DOK5: variants seen among roughly 807,000 people sequenced by gnomAD.
DOK5 encodes downstream of tyrosine kinase 5.
In DOK5, 27 loss-of-function variants were observed where a neutral mutation model predicts 43.3. That is an observed-to-expected ratio of 0.62 (90% CI 0.46 to 0.86). DOK5 has a LOEUF of 0.86. DOK5 is among the 40% of genes least tolerant of loss of function. The pLI, the probability that DOK5 is intolerant of heterozygous loss-of-function variation, is 0.00. For missense variants in DOK5, 373 were observed against 392.9 expected (o/e 0.95, Z 0.43); for synonymous variants, 146 against 140.1 (o/e 1.04, Z -0.30).
intron 1 of DOK5, among the ~76,000 whole-genome samples, chr20:54,547,308 T>C (rs1378736594): frequency 6.6e-6 from 1 of 152,174 alleles, no homozygotes; most frequent in Non-Finnish European, 1.5e-5. Flanking sequence ...ACTCCTGTGG[T>C]AGATTATAAA....
In DOK5 at chr20:54,475,720, C is replaced by T; in HGVS notation, c.-227C>T. On this transcript the variant is annotated 5_prime_UTR_variant, in exon 1 of 8. Transcript: ENST00000262593. The surrounding 1 kb of genome is among the most constrained non-coding windows in gnomAD (Gnocchi z 4.2). ...GCTCCAGCCTCGCCTCCCCGCGCCG[C>T]GCTCTGCGCTCCCCGAAAGTGGCTG... 1.7e-6 allele frequency: 1 copy of T among 594,786 alleles called. No homozygotes were observed. The allele number at this position is 594,786 out of a possible 1,614,324, so 36.8% of individuals were successfully genotyped here. A position where few individuals can be genotyped will look rare whatever the true frequency, so the allele number is the denominator to read the frequency against.
rs112175509 is a variant in DOK5, at chr20:54,607,906, C to G, written c.600-2482C>G. On this transcript the variant is annotated intron_variant, in intron 5 of 7. Transcript: ENST00000262593. ...TAAAACAAAACAAAACAAAACAAAACAAAACAAAACAAAACAAAACAAAGT... is the reference window on the plus strand; with the variant it reads ...TAAAACAAAACAAAACAAAACAAAAGAAAACAAAACAAAACAAAACAAAGT... Among the ~76,000 whole-genome samples, 27 of 74,910 alleles carry G rather than the reference C, an allele frequency of 3.6e-4. No homozygotes were observed. The African/African-American group carries it at 8.2e-3, about 23-fold the overall frequency. 49.1% of individuals were successfully genotyped at this position (74,910 alleles called of 152,430 possible). A position where few individuals can be genotyped will look rare whatever the true frequency, so the allele number is the denominator to read the frequency against.
chr20:54,624,459 T>TA (rs1289227172), intron 6 of DOK5, among the ~76,000 whole-genome samples: 3 of 152,100 alleles, frequency 2.0e-5, no homozygotes, highest in Non-Finnish European at 4.4e-5. Flanking sequence ...GCACAGGGCT[T>TA]AAAGGTTTGT....
chr20:54,525,204 G>A (rs6098044), intron 1 of DOK5, among the ~76,000 whole-genome samples: 23,890 of 152,180 alleles, frequency 0.16, 3,999 homozygotes, highest in African/African-American at 0.43. Context: ...AGAACGTGGA[G>A]TCCTGTCCTC....
rs753619958 is a variant in DOK5, at chr20:54,503,577, T to G, written c.66+27565T>G. Among the ~76,000 whole-genome samples, 35 of 152,198 alleles carry G rather than the reference T, an allele frequency of 2.3e-4. No homozygotes were observed. The Middle Eastern group carries it at 0.01, about 44-fold the overall frequency. On this transcript the variant is annotated intron_variant, in intron 1 of 7. Coordinates refer to ENST00000262593, the MANE Select transcript of DOK5 (RefSeq NM_018431.5). ...CACTGTTATTCACTTACTACTTCACTAAAATAATTTATTTTTCTTTTTTTT... is the reference window on the plus strand; with the variant it reads ...CACTGTTATTCACTTACTACTTCACGAAAATAATTTATTTTTCTTTTTTTT...
At chr20:54,559,668 G>C (rs1285992457) in intron 2 of DOK5, among the ~76,000 whole-genome samples, 1 of 152,218 alleles carries the variant, frequency 6.6e-6, no homozygotes, top group Non-Finnish European at 1.5e-5. Flanking sequence ...GAGGGACTTT[G>C]AGTCAGCATT....
intron 2 of DOK5, among the ~76,000 whole-genome samples, chr20:54,572,898 T>C (rs142593169): frequency 6.6e-6 from 1 of 152,168 alleles, no homozygotes; most frequent in East Asian, 1.9e-4. Flanking sequence ...ACAGTGTGGA[T>C]GATGCCAATA....
chr20:54,536,199 AGGC>A (rs1983956449), intron 1 of DOK5, among the ~76,000 whole-genome samples: 3 of 152,212 alleles, frequency 2.0e-5, no homozygotes, highest in Admixed American at 6.5e-5. Context: ...CAATTTGTGG[AGGC>A]CTAGGGGGTG....
At chr20:54,607,544 A>T (rs530147087) in intron 5 of DOK5, among the ~76,000 whole-genome samples, 1 of 152,188 alleles carries the variant, frequency 6.6e-6, no homozygotes, top group Admixed American at 6.5e-5. Flanking sequence ...TTATTTAGAG[A>T]TTTAAATGTC....
At chr20:54,609,171 C>T (rs1054588696) in intron 5 of DOK5, among the ~76,000 whole-genome samples, 1 of 152,084 alleles carries the variant, frequency 6.6e-6, no homozygotes, top group African/African-American at 2.4e-5. Context: ...CTGGGCTAGA[C>T]TAAAAAAAAT....
chr20:54,487,505 T>C (rs1396442120), intron 1 of DOK5, among the ~76,000 whole-genome samples: 1 of 152,182 alleles, frequency 6.6e-6, no homozygotes, highest in Admixed American at 6.5e-5. Context: ...TATATGACCA[T>C]GCAGTGACAA....
At chr20:54,563,420 T>G (rs982574511) in intron 2 of DOK5, among the ~76,000 whole-genome samples, 2 of 152,212 alleles carry the variant, frequency 1.3e-5, no homozygotes, top group African/African-American at 4.8e-5. Flanking sequence ...TTCCTCCCCT[T>G]TAGAAAGTTA....
chr20:54,572,913 C>A (rs1016898308), intron 2 of DOK5, among the ~76,000 whole-genome samples: 1 of 152,194 alleles, frequency 6.6e-6, no homozygotes, highest in African/African-American at 2.4e-5. Flanking sequence ...CCAATATTCA[C>A]CTCTGGAAGT....
chr20:54,605,372 G>T lies in DOK5; in HGVS notation c.600-5016G>T, dbSNP rs901040130. On this transcript the variant is annotated intron_variant, in intron 5 of 7. Coordinates refer to ENST00000262593, the MANE Select transcript of DOK5 (RefSeq NM_018431.5). ...CAGAGTTTCTGAAGTTGGGCACTCA[G>T]TGCATATGAACCATAGTGTCTTGGT... Among the ~76,000 whole-genome samples, 29 of 152,202 alleles carry T rather than the reference G, an allele frequency of 1.9e-4. 1 individual carries two copies. Among genetic ancestry groups the T allele is most frequent in the Admixed American group, 6.5e-4 (10 of 15,290 alleles).
intron 2 of DOK5, among the ~76,000 whole-genome samples, chr20:54,577,684 C>T (rs1470646093): frequency 1.3e-5 from 2 of 152,218 alleles, no homozygotes; most frequent in African/African-American, 2.4e-5. Flanking sequence ...ACATCTTTAT[C>T]TCTCACTCTT....
intron 6 of DOK5, among the ~76,000 whole-genome samples, chr20:54,635,175 G>A (rs909101675): frequency 6.6e-6 from 1 of 152,166 alleles, no homozygotes; most frequent in Non-Finnish European, 1.5e-5. Flanking sequence ...CTCTTTGTAG[G>A]AGTAAGATAC....
At chr20:54,603,416 T>C (rs1415274917) in intron 5 of DOK5, among the ~76,000 whole-genome samples, 1 of 152,202 alleles carries the variant, frequency 6.6e-6, no homozygotes, top group Non-Finnish European at 1.5e-5. Flanking sequence ...ACAAAGATAG[T>C]CAACCACAGA....
intron 7 of DOK5, among the ~76,000 whole-genome samples, chr20:54,649,029 A>G (rs1224898124): frequency 6.6e-6 from 1 of 152,260 alleles, no homozygotes; most frequent in Non-Finnish European, 1.5e-5. Flanking sequence ...CCTATATCAT[A>G]GATCGGACCT....
chr20:54,561,716 T>C (rs917405038), intron 2 of DOK5, among the ~76,000 whole-genome samples: 4 of 152,332 alleles, frequency 2.6e-5, no homozygotes, highest in Admixed American at 1.3e-4. Flanking sequence ...AGTGCAATGG[T>C]GCGATCTCGG....
Sources: gnomAD v4.1 joint callset for allele counts (sites outside exome capture counted in the v4.1 genomes callset) on GRCh38, gnomAD v4.1.1 for gene constraint, Gnocchi (gnomAD v3.1) non-coding constraint, MANE v1.5 for transcripts, NCBI Gene and HGNC (gene_info 2026-07-23, HGNC 2026-07-21) for gene names.